Variants in BMPR1A observed in about 807,000 individuals in gnomAD.
BMPR1A encodes bone morphogenetic protein receptor type-1A.
A neutral mutation model predicts 66.0 loss-of-function variants in BMPR1A; 7 were observed. The ratio of observed to expected loss-of-function variants is 0.11; its 90% confidence interval spans 0.06 to 0.20. The LOEUF (loss-of-function observed/expected upper bound fraction) is 0.20, where lower values mean the gene tolerates loss of function less well. BMPR1A is among the 10% of genes least tolerant of loss of function. The pLI is 1.00. For synonymous variants in BMPR1A, 200 were observed against 229.7 expected, an observed-to-expected ratio of 0.87 and a Z score of 1.17; for missense variants, 408 against 669.1, an observed-to-expected ratio of 0.61 and a Z score of 4.31.
intron 3 of BMPR1A, among the ~76,000 whole-genome samples, chr10:86,886,007 G>A (rs1843062689): frequency 6.6e-6 from 1 of 152,082 alleles, no homozygotes; most frequent in South Asian, 2.1e-4. Context: ...GTATGTATAT[G>A]TTTTCATTTT....
intron 1 of BMPR1A, among the ~76,000 whole-genome samples, chr10:86,771,089 G>C (rs1841251197): frequency 6.6e-6 from 1 of 152,012 alleles, no homozygotes; most frequent in Admixed American, 6.6e-5. Context: ...AGCATTAAGT[G>C]TATCATTTAA....
intron 1 of BMPR1A, among the ~76,000 whole-genome samples, chr10:86,807,884 A>G (rs894203021): frequency 2.0e-5 from 3 of 152,108 alleles, no homozygotes; most frequent in African/African-American, 7.2e-5. Flanking sequence ...TTCCTGCTTT[A>G]GCCTCCCTAC....
rs562919620 is a variant in BMPR1A at position 86,870,121 on chromosome 10, C to T, written c.-152-5746C>T. On this transcript the variant is annotated intron_variant, in intron 2 of 12. Transcript: ENST00000372037. The stretch of plus-strand genomic sequence containing the variant: ...AGACGAATGGTGTTCTGGGGCCCTC[C>T]CCTCTTTTCACTCTCTTGGAAGGCC... Among the ~76,000 whole-genome samples the T allele has an allele frequency of 2.0e-5, 3 of 152,270 alleles. No individual in the cohort carries two copies. The East Asian group carries it at 5.8e-4, about 29-fold the overall frequency.
intron 1 of BMPR1A, among the ~76,000 whole-genome samples, chr10:86,789,788 A>C: frequency 6.6e-6 from 1 of 152,092 alleles, no homozygotes; most frequent in Admixed American, 6.5e-5. Context: ...CAAAGGATTC[A>C]GATAGACATT....
At chr10:86,839,413 C>T (rs1842394677) in intron 2 of BMPR1A, among the ~76,000 whole-genome samples, 1 of 151,842 alleles carries the variant, frequency 6.6e-6, no homozygotes, top group Non-Finnish European at 1.5e-5. Context: ...GCCAACATGG[C>T]GAAATCTCGT....
At chr10:86,826,411 A>AACACACATACACACACAC (rs71477611) in intron 1 of BMPR1A, among the ~76,000 whole-genome samples, 193 of 147,100 alleles carry the variant, frequency 1.3e-3, no homozygotes, top group African/African-American at 4.0e-3. Context: ...CAATCAAGGA[A>AACACACATACACACACAC]ACACACACAC....
rs1589295016 is a variant in BMPR1A at position 86,926,849 on chromosome 10, T to A, written c.*3130T>A. 1 of 192,712 alleles carries A rather than the reference T, an allele frequency of 5.2e-6. No homozygotes were observed. Among genetic ancestry groups the A allele is most frequent in the South Asian group, 1.9e-4 (1 of 5,160 alleles). The allele number at this position is 192,712 out of a possible 1,614,324, so 11.9% of individuals were successfully genotyped here. A position where few individuals can be genotyped will look rare whatever the true frequency, so the allele number is the denominator to read the frequency against. ...GGAAAAGTTAACCCTCAAAGAGAGTTCTTGTGAATTCTCTTTATGCTGGCA... is the reference window on the plus strand; with the variant it reads ...GGAAAAGTTAACCCTCAAAGAGAGTACTTGTGAATTCTCTTTATGCTGGCA... On this transcript the variant is annotated 3_prime_UTR_variant, in exon 13 of 13. Coordinates refer to ENST00000372037, the MANE Select transcript of BMPR1A (RefSeq NM_004329.3).
chr10:86,755,897 G>A (rs1306902592), upstream of BMPR1A: 3 of 152,138 alleles, frequency 2.0e-5, no homozygotes. Context: ...CCCGGCCGGG[G>A]AGCCTCCATC....
chr10:86,835,628 A>G (rs1016631594), intron 1 of BMPR1A, among the ~76,000 whole-genome samples: 1 of 147,548 alleles, frequency 6.8e-6, no homozygotes, highest in Non-Finnish European at 1.5e-5. Context: ...TATTTACACT[A>G]TTCTTTTCTG....
intron 2 of BMPR1A, among the ~76,000 whole-genome samples, chr10:86,856,843 A>C (rs1842648163): frequency 6.6e-6 from 1 of 152,186 alleles, no homozygotes; most frequent in African/African-American, 2.4e-5. Context: ...GGTTCCCATG[A>C]ATCCCCTCAA....
At chr10:86,878,692 T>C (rs1463004603) in intron 3 of BMPR1A, among the ~76,000 whole-genome samples, 1 of 152,198 alleles carries the variant, frequency 6.6e-6, no homozygotes, top group Non-Finnish European at 1.5e-5. Flanking sequence ...AGCACTGGCC[T>C]CAACTAGACC....
intron 2 of BMPR1A, among the ~76,000 whole-genome samples, chr10:86,853,245 C>T (rs1589746939): frequency 1.3e-5 from 2 of 151,902 alleles, no homozygotes; most frequent in East Asian, 3.9e-4. Context: ...AAGAACCACC[C>T]ACTTTCATAT....
intron 7 of BMPR1A, among the ~76,000 whole-genome samples, chr10:86,910,573 A>G (rs1843466356): frequency 6.6e-6 from 1 of 152,148 alleles, no homozygotes; most frequent in Admixed American, 6.5e-5. Context: ...CTTCTAAGGA[A>G]GTGAACTTGA....
intron 1 of BMPR1A, among the ~76,000 whole-genome samples, chr10:86,832,148 G>A (rs1434713282): frequency 2.0e-5 from 3 of 152,098 alleles, no homozygotes; most frequent in Non-Finnish European, 4.4e-5. Flanking sequence ...TAATGAATTT[G>A]GACTTCATTT....
At chr10:86,803,774 A>G (rs557511709) in intron 1 of BMPR1A, among the ~76,000 whole-genome samples, 3 of 152,190 alleles carry the variant, frequency 2.0e-5, no homozygotes, top group East Asian at 3.9e-4. Context: ...AAAGTCGAGG[A>G]TATTTGTTTA....
rs751078831 is a variant in BMPR1A, at chr10:86,921,544, C to G, written c.1191C>G (p.Pro397=). Reference sequence around the variant, plus strand: ...GTGACACAAATGAAGTTGATGTGCCCTTGAATACCAGGGTGGGCACCAAAC... The same window carrying G: ...GTGACACAAATGAAGTTGATGTGCCGTTGAATACCAGGGTGGGCACCAAAC... ...FNSDTNEVDV[P]LNTRVGTKRY... The change falls in exon 11 of 13, where the codon CCC becomes CCG. Residue 397 remains proline (P), a synonymous_variant. Transcript: ENST00000372037. 23 of 1,613,930 alleles carry G rather than the reference C, an allele frequency of 1.4e-5. No homozygotes were observed. Among genetic ancestry groups the G allele is most frequent in the East Asian group, 8.9e-5 (4 of 44,896 alleles).
chr10:86,781,796 C>T (rs996680474), intron 1 of BMPR1A, among the ~76,000 whole-genome samples: 11 of 149,644 alleles, frequency 7.4e-5, no homozygotes, highest in Non-Finnish European at 8.9e-5. Flanking sequence ...TTATGATTGG[C>T]GTATTTCACT....
intron 3 of BMPR1A, among the ~76,000 whole-genome samples, chr10:86,883,125 T>G (rs945520598): frequency 1.3e-5 from 2 of 152,186 alleles, no homozygotes; most frequent in African/African-American, 2.4e-5. Context: ...TCTACCCCCA[T>G]GCACTTCTCC....
At position 86,925,719 on chromosome 10, in the gene BMPR1A, A is replaced by ATTTTTTTTTTTTTTT. The variant is rs1163006358; in HGVS notation, c.*2001_*2002insTTTTTTTTTTTTTTT. 4.1e-5 allele frequency: 5 copies of ATTTTTTTTTTTTTTT among 123,438 alleles called. No homozygotes were observed. The highest frequency in any genetic ancestry group is 2.8e-4 in the South Asian group (1 of 3,554). The allele number at this position is 123,438 out of a possible 1,614,324, so 7.6% of individuals were successfully genotyped here. On this transcript the variant is annotated 3_prime_UTR_variant, in exon 13 of 13. Transcript: ENST00000372037. ...ACCATAATCTTTAAAATCATTTGTCATCTTTTTTTTTTTTTTTTTGAGACG... is the reference window on the plus strand; with the variant it reads ...ACCATAATCTTTAAAATCATTTGTCATTTTTTTTTTTTTTTTCTTTTTTTTTTTTTTTTTGAGACG...
Sources: allele counts gnomAD v4.1 joint callset (sites outside exome capture counted in the v4.1 genomes callset), GRCh38; gene constraint gnomAD v4.1.1; transcripts MANE v1.5; gene names NCBI Gene and HGNC (gene_info 2026-07-23, HGNC 2026-07-21).